The following KHDRBS1 variants were observed in gnomAD, a reference collection of about 807,000 sequenced individuals.
KHDRBS1 encodes the protein KH domain-containing, RNA-binding, signal transduction-associated protein 1.
In KHDRBS1, 7 loss-of-function variants were observed where a neutral mutation model predicts 48.4. The ratio of observed to expected loss-of-function variants is 0.14; its 90% CI spans 0.08 to 0.27. The LOEUF is 0.27. KHDRBS1 is among the 10% of genes least tolerant of loss of function. The pLI is 1.00. For missense variants in KHDRBS1, 458 were observed against 601.2 expected (o/e 0.76, Z 2.49); for synonymous variants, 241 against 235.8 (o/e 1.02, Z -0.20).
intron 1 of KHDRBS1, among the ~76,000 whole-genome samples, chr1:32,016,411 C>T (rs552774597): frequency 6.6e-6 from 1 of 152,062 alleles, no homozygotes; most frequent in South Asian, 2.1e-4. Flanking sequence ...TTTGGTCAGT[C>T]TACACACCTT....
chr1:32,053,163 A>G (rs1639443730), intron 10 of KHDRBS1, among the ~76,000 whole-genome samples: 1 of 151,992 alleles, frequency 6.6e-6, no homozygotes, highest in African/African-American at 2.4e-5. Flanking sequence ...AAAATAATAT[A>G]CCTATAAAAT....
chr1:32,046,848 T>C (rs1639364117), downstream of KHDRBS1, among the ~76,000 whole-genome samples: 1 of 152,184 alleles, frequency 6.6e-6, no homozygotes, highest in Non-Finnish European at 1.5e-5. Flanking sequence ...GAGAGGGGCA[T>C]ATGTACTGAA....
At chr1:32,046,394 T>C (rs1398902014), downstream of KHDRBS1, among the ~76,000 whole-genome samples, 1 of 152,130 alleles carries the variant, frequency 6.6e-6, no homozygotes, top group Non-Finnish European at 1.5e-5. Flanking sequence ...TTGTATTGTT[T>C]AGTAGAGACG....
intron 1 of KHDRBS1, among the ~76,000 whole-genome samples, chr1:32,017,503 C>G (rs1638765658): frequency 6.8e-6 from 1 of 146,036 alleles, no homozygotes; most frequent in Non-Finnish European, 1.5e-5. Flanking sequence ...AATCATCTAT[C>G]TTTGTTTTCT....
rs946065329 is a variant in KHDRBS1 at position 32,043,282 on chromosome 1, TAAAAA to T, written c.*665_*669del. The T allele has an allele frequency of 1.4e-5, 2 of 146,246 alleles. No individual in the cohort carries two copies. Among genetic ancestry groups the T allele is most frequent in the African/African-American group, 2.5e-5 (1 of 40,138 alleles). The allele number at this position is 146,246 out of a possible 1,614,324, so 9.1% of individuals were successfully genotyped here. A position where few individuals can be genotyped will look rare whatever the true frequency, so the allele number is the denominator to read the frequency against. ...ATGCAATTTTTAACGTTAATTGATA[TAAAAA>T]AAAAAACAACAAAATTAGGCTTGTA... On this transcript the variant is annotated 3_prime_UTR_variant, in exon 9 of 9. Coordinates refer to ENST00000327300, the MANE Select transcript of KHDRBS1 (RefSeq NM_006559.3).
chr1:32,045,886 A>G (rs77014055), downstream of KHDRBS1, among the ~76,000 whole-genome samples: 2,574 of 152,278 alleles, frequency 0.017, 77 homozygotes, highest in African/African-American at 0.058. Flanking sequence ...TCTACTCAAG[A>G]TTCAGGTTTT....
chr1:32,048,866 A>G (rs1029029462), downstream of KHDRBS1, among the ~76,000 whole-genome samples: 1 of 151,684 alleles, frequency 6.6e-6, no homozygotes, highest in Non-Finnish European at 1.5e-5. Context: ...CCACCAATCT[A>G]TTTATTCCCT....
At chr1:32,038,787 C>A (rs781159021) in intron 7 of KHDRBS1, among the ~76,000 whole-genome samples, 168 bp downstream of exon 7, 9 of 152,198 alleles carry the variant, frequency 5.9e-5, no homozygotes, top group Non-Finnish European at 1.3e-4. Context: ...CTCTTGAGCT[C>A]AAGCAGTCCT....
chr1:32,054,942 A>G (rs1008540205), intron 10 of KHDRBS1, among the ~76,000 whole-genome samples: 3 of 152,318 alleles, frequency 2.0e-5, no homozygotes, highest in South Asian at 2.1e-4. Flanking sequence ...TATCCATGGT[A>G]TACAGAGTGA....
At chr1:32,037,178 C>G in intron 5 of KHDRBS1, 135 bp downstream of exon 5, 3 of 966,248 alleles carry the variant, frequency 3.1e-6, no homozygotes, top group Non-Finnish European at 4.5e-6. Context: ...AATTCTACAA[C>G]CATACTCTCA....
intron 1 of KHDRBS1, among the ~76,000 whole-genome samples, chr1:32,027,117 A>G (rs1638988456): frequency 6.6e-6 from 1 of 151,976 alleles, no homozygotes; most frequent in Non-Finnish European, 1.5e-5. Flanking sequence ...TTTTTAGTAG[A>G]GATGGAGTTT....
chr1:32,044,350 G>A (rs1249024589), downstream of KHDRBS1, among the ~76,000 whole-genome samples: 4 of 152,218 alleles, frequency 2.6e-5, no homozygotes, highest in Admixed American at 2.6e-4. Context: ...TGCCCTTGAG[G>A]GTTTCTCTTT....
At chr1:32,016,268 A>G (rs1160229975) in intron 1 of KHDRBS1, among the ~76,000 whole-genome samples, 1 of 152,114 alleles carries the variant, frequency 6.6e-6, no homozygotes, top group African/African-American at 2.4e-5. Context: ...ACTTTACATT[A>G]AATATTTAAC....
exon 11 of KHDRBS1, chr1:32,060,196 C>T (rs1412645859): frequency 1.3e-5 from 2 of 152,200 alleles, no homozygotes; most frequent in Admixed American, 6.6e-5. Context: ...GGAGAGCTAC[C>T]TGCTGTATAA....
intron 10 of KHDRBS1, among the ~76,000 whole-genome samples, chr1:32,059,323 C>T (rs1477345567): frequency 6.6e-6 from 1 of 151,878 alleles, no homozygotes; most frequent in African/African-American, 2.4e-5. Flanking sequence ...TCCCAGCACT[C>T]TGGCAAGCCA....
downstream of KHDRBS1, among the ~76,000 whole-genome samples, chr1:32,045,830 C>T (rs938230751): frequency 6.6e-6 from 1 of 152,230 alleles, no homozygotes; most frequent in African/African-American, 2.4e-5. Flanking sequence ...GAAACAAGGA[C>T]TGGCTCCTTG....
chr1:32,048,298 A>G (rs944177321), downstream of KHDRBS1, among the ~76,000 whole-genome samples: 3 of 152,206 alleles, frequency 2.0e-5, no homozygotes, highest in Non-Finnish European at 4.4e-5. Flanking sequence ...ACTTGAGGCC[A>G]GGAGTTCAAG....
chr1:32,059,979 T>C (rs1240157693), intron 10 of KHDRBS1, among the ~76,000 whole-genome samples: 1 of 152,080 alleles, frequency 6.6e-6, no homozygotes, highest in Non-Finnish European at 1.5e-5. Context: ...AAAAAGAGAA[T>C]TCATAGGCTG....
chr1:32,049,176 T>G (rs1639388957), intron 10 of KHDRBS1, among the ~76,000 whole-genome samples: 1 of 151,876 alleles, frequency 6.6e-6, no homozygotes, highest in Non-Finnish European at 1.5e-5. Context: ...TTCTCCTGCC[T>G]TCCTGAGTAG....
Sources: allele counts gnomAD v4.1 joint callset (sites outside exome capture counted in the v4.1 genomes callset), GRCh38; gene constraint gnomAD v4.1.1; transcripts MANE v1.5; gene names NCBI Gene and HGNC (gene_info 2026-07-23, HGNC 2026-07-21).